MRPS35: variants seen among roughly 807,000 people sequenced by gnomAD.
MRPS35 encodes mitochondrial ribosomal protein S35.
In MRPS35, 29 loss-of-function variants were observed where a neutral mutation model predicts 32.7. The ratio of observed to expected loss-of-function variants is 0.89; its 90% confidence interval spans 0.66 to 1.21. MRPS35 has a LOEUF of 1.21. Ranked by LOEUF, MRPS35 falls within the 50% of genes most tolerant of loss-of-function variation. MRPS35 has a pLI of 0.00. For synonymous variants in MRPS35, 148 were observed against 139.3 expected (o/e 1.06, Z -0.44); for missense variants, 373 against 383.8 (o/e 0.97, Z 0.23).
intron 5 of MRPS35, among the ~76,000 whole-genome samples, chr12:27,725,867 G>A (rs948275154): frequency 1.4e-5 from 2 of 143,652 alleles, no homozygotes; most frequent in South Asian, 2.2e-4. Flanking sequence ...GTGCAGTGGC[G>A]CGATCTTGGC....
At position 27,714,929 on chromosome 12, in the gene MRPS35, A is replaced by T. The variant is rs568100579; in HGVS notation, c.153+109A>T. The T allele has an allele frequency of 1.2e-5, 11 of 909,740 alleles. No individual in the cohort carries two copies. The East Asian group carries it at 2.9e-4, about 24-fold the overall frequency. The allele number at this position is 909,740 out of a possible 1,614,324, so 56.4% of individuals were successfully genotyped here. ...TTACCAGAGAAGACTTCACAAGGTC[A>T]TGTTTACTGGGTGATTGCCATAGCC... On this transcript the variant is annotated intron_variant, in intron 2 of 7. Transcript: ENST00000081029.
chr12:27,729,109 G>T (rs78721803), intron 5 of MRPS35, among the ~76,000 whole-genome samples: 1 of 152,014 alleles, frequency 6.6e-6, no homozygotes, highest in African/African-American at 2.4e-5. Context: ...TTTGGTCCTC[G>T]AAGTATATCT....
chr12:27,718,915 C>T (rs1427050249), intron 3 of MRPS35, among the ~76,000 whole-genome samples: 5 of 152,096 alleles, frequency 3.3e-5, no homozygotes, highest in South Asian at 2.1e-4. Context: ...GGTGAAACCC[C>T]GTCTCTACTA....
At chr12:27,736,613 A>C (rs1278748711) in intron 6 of MRPS35, among the ~76,000 whole-genome samples, 1 of 151,994 alleles carries the variant, frequency 6.6e-6, no homozygotes, top group Non-Finnish European at 1.5e-5. Context: ...AGTATAGTTG[A>C]AGTTATTTGT....
At chr12:27,730,310 C>T (rs1305431848) in intron 5 of MRPS35, among the ~76,000 whole-genome samples, 1 of 152,032 alleles carries the variant, frequency 6.6e-6, no homozygotes, top group Admixed American at 6.6e-5. Context: ...TTTTTGATGA[C>T]CTTAACAGTT....
chr12:27,752,607 T>C (rs955010934), intron 7 of MRPS35, among the ~76,000 whole-genome samples: 1 of 152,234 alleles, frequency 6.6e-6, no homozygotes, highest in Non-Finnish European at 1.5e-5. Flanking sequence ...ATTAAGTATA[T>C]TTTACCCTGT....
At chr12:27,745,568 CT>C (rs573864421) in intron 7 of MRPS35, among the ~76,000 whole-genome samples, 11,456 of 146,420 alleles carry the variant, frequency 0.078, 1,382 homozygotes, top group African/African-American at 0.26. Context: ...ACCTGGGAAG[CT>C]TTTTTTTTTT....
chr12:27,749,654 C>T (rs1278118858), intron 7 of MRPS35, among the ~76,000 whole-genome samples: 1 of 152,144 alleles, frequency 6.6e-6, no homozygotes, highest in Non-Finnish European at 1.5e-5. Context: ...CCCCTTACTC[C>T]CAATGCTTCG....
At position 27,719,862 on chromosome 12, in the gene MRPS35, C is replaced by T; in HGVS notation, c.376C>T (p.Leu126Phe). Residue 126 changes from leucine (L) to phenylalanine (F), a missense_variant, in exon 4 of 8, where the codon CTT becomes TTT. Leu to Phe is a conservative substitution (Grantham distance 22). Transcript: ENST00000081029. The part of the protein sequence containing the change: ...PVAIKKHCEA[L>F]KDFCTEWPAA... ...AGCAATTAAAAAGCACTGTGAAGCC[C>T]TTAAAGGTAAGTGGTTATTTTCTTA... 6.2e-7 allele frequency: 1 copy of T among 1,604,246 alleles called. No individual in the cohort carries two copies. Among genetic ancestry groups the T allele is most frequent in the East Asian group, 2.2e-5 (1 of 44,744 alleles).
chr12:27,725,004 A>G (rs770454982), intron 5 of MRPS35, among the ~76,000 whole-genome samples: 17 of 152,132 alleles, frequency 1.1e-4, no homozygotes, highest in Non-Finnish European at 2.5e-4. Flanking sequence ...GTGGCCTCCA[A>G]TTTCTGGGTT....
intron 7 of MRPS35, among the ~76,000 whole-genome samples, chr12:27,739,937 T>C (rs2061957145): frequency 6.6e-6 from 1 of 152,236 alleles, no homozygotes; most frequent in Admixed American, 6.5e-5. Flanking sequence ...GCTGATTACT[T>C]TGATGCCAGG....
intron 7 of MRPS35, among the ~76,000 whole-genome samples, chr12:27,742,160 T>C (rs1250343992): frequency 6.6e-6 from 1 of 152,204 alleles, no homozygotes; most frequent in African/African-American, 2.4e-5. Flanking sequence ...AAGGGGACAT[T>C]ATTGCAGATA....
chr12:27,733,576 C>T (rs1267051142), intron 5 of MRPS35, among the ~76,000 whole-genome samples: 1 of 152,176 alleles, frequency 6.6e-6, no homozygotes, highest in African/African-American at 2.4e-5. Context: ...TTTTCTCTCC[C>T]TGTTCCCTCT....
chr12:27,714,842 C>G (rs2061843395), intron 2 of MRPS35, 22 bp downstream of exon 2: 1 of 1,601,828 alleles, frequency 6.2e-7, no homozygotes, highest in African/African-American at 1.3e-5. Flanking sequence ...GTATACTCTA[C>G]TATCTTAATG....
rs75642469 is a variant in MRPS35, at chr12:27,747,119, A to G, written c.703-8062A>G. ...CATTACCAGCACTCAGGAAATATAC[A>G]TTATATAGCCTGTACTTTAGCCATA... On this transcript the variant is annotated intron_variant, in intron 7 of 7. Coordinates refer to ENST00000081029, the MANE Select transcript of MRPS35 (RefSeq NM_021821.4). Among the ~76,000 whole-genome samples the G allele has an allele frequency of 2.4e-3, 366 of 152,340 alleles. 6 individuals are homozygous for G. Among genetic ancestry groups the G allele is most frequent in the African/African-American group, 8.3e-3 (345 of 41,588 alleles).
chr12:27,725,617 C>T (rs368627026), intron 5 of MRPS35: 3 of 235,618 alleles, frequency 1.3e-5, no homozygotes, highest in South Asian at 1.1e-4. Flanking sequence ...TGTGAGAAGG[C>T]CTGCTTTCCT....
chr12:27,728,685 C>G (rs1216001635), intron 5 of MRPS35, among the ~76,000 whole-genome samples: 1 of 152,062 alleles, frequency 6.6e-6, no homozygotes, highest in Non-Finnish European at 1.5e-5. Context: ...CTTATGTTAT[C>G]TGGAATGGCA....
chr12:27,716,481 T>C, intron 3 of MRPS35, 23 bp downstream of exon 3: 1 of 1,613,112 alleles, frequency 6.2e-7, no homozygotes, highest in Non-Finnish European at 8.5e-7. Context: ...GCTGATTCAT[T>C]GGCTCAGACT....
chr12:27,723,284 T>C (rs2061884609), intron 4 of MRPS35, among the ~76,000 whole-genome samples: 2 of 152,130 alleles, frequency 1.3e-5, no homozygotes, highest in Admixed American at 1.3e-4. Flanking sequence ...GTTTTTTTTT[T>C]TTTCCCATTA....
Sources: allele counts gnomAD v4.1 joint callset (sites outside exome capture counted in the v4.1 genomes callset), GRCh38; gene constraint gnomAD v4.1.1; transcripts MANE v1.5; gene names NCBI Gene and HGNC (gene_info 2026-07-23, HGNC 2026-07-21).